The following HS6ST1 variants were observed in gnomAD, a reference collection of about 807,000 sequenced individuals.
HS6ST1 encodes heparan sulfate 6-O-sulfotransferase 1.
HS6ST1 carries 3 observed loss-of-function variants against 25.2 expected under a neutral mutation model. That is an observed-to-expected ratio of 0.12 (90% CI 0.05 to 0.31). The LOEUF (loss-of-function observed/expected upper bound fraction) is 0.31. Ranked by LOEUF, HS6ST1 falls within the 10% of genes least tolerant of loss-of-function variation. HS6ST1 has a pLI of 1.00. For missense variants in HS6ST1, 310 were observed against 609.6 expected (o/e 0.51, Z 5.18); for synonymous variants, 204 against 275.1 (o/e 0.74, Z 2.56).
Position 128,268,188 on chromosome 2 carries a change from T to G in HS6ST1, c.1210A>C (p.Met404Leu). The G allele has an allele frequency of 1.2e-6, 2 of 1,610,150 alleles. No homozygotes were observed. Among genetic ancestry groups the G allele is most frequent in the African/African-American group, 1.3e-5 (1 of 74,960 alleles). Residue 404 changes from methionine (M) to leucine (L), a missense_variant, in exon 2 of 2, where the codon ATG becomes CTG. Coordinates refer to ENST00000259241, the MANE Select transcript of HS6ST1 (RefSeq NM_004807.3). ...TACCACTTCTCAATGATGTGGCTCATGTAGTCCTCGGTGGGCACGCGGCCC... is the reference window on the plus strand; with the variant it reads ...TACCACTTCTCAATGATGTGGCTCAGGTAGTCCTCGGTGGGCACGCGGCCC... ...EPGRVPTEDYMSHIIEKW is the reference protein window; with the variant it reads ...EPGRVPTEDYLSHIIEKW
At chr2:128,298,633 T>C (rs1458453420) in intron 1 of HS6ST1, among the ~76,000 whole-genome samples, 1 of 152,176 alleles carries the variant, frequency 6.6e-6, no homozygotes, top group East Asian at 1.9e-4. Flanking sequence ...GGAAGTAGGA[T>C]GGACGGCGTG....
intron 1 of HS6ST1, among the ~76,000 whole-genome samples, chr2:128,276,565 C>T (rs376946574): frequency 5.1e-4 from 77 of 152,300 alleles, no homozygotes; most frequent in African/African-American, 1.7e-3. Flanking sequence ...CTCGTGCCTC[C>T]GGTGAGCAGC....
intron 1 of HS6ST1, among the ~76,000 whole-genome samples, chr2:128,283,633 C>T (rs1361553513): frequency 1.3e-5 from 2 of 152,188 alleles, no homozygotes; most frequent in African/African-American, 2.4e-5. Flanking sequence ...TCCTGGTCCT[C>T]GTGAGCATGT....
chr2:128,287,461 G>A (rs1693882041), intron 1 of HS6ST1, among the ~76,000 whole-genome samples: 1 of 152,338 alleles, frequency 6.6e-6, no homozygotes, highest in South Asian at 2.1e-4. Flanking sequence ...GAACTGGGCA[G>A]AGAGCCGGGA....
chr2:128,294,798 G>A (rs1276081573), intron 1 of HS6ST1, among the ~76,000 whole-genome samples: 1 of 151,994 alleles, frequency 6.6e-6, no homozygotes, highest in African/African-American at 2.4e-5. Flanking sequence ...ACAAGGTACA[G>A]GGGTGTCAGC....
At chr2:128,312,469 G>T (rs887606579) in intron 1 of HS6ST1, among the ~76,000 whole-genome samples, 1 of 152,350 alleles carries the variant, frequency 6.6e-6, no homozygotes, top group African/African-American at 2.4e-5. Flanking sequence ...TGCCCCCATG[G>T]CTTGTCACGC....
In HS6ST1 at chr2:128,318,070, T is replaced by A; in HGVS notation, c.494A>T (p.Asp165Val). Residue 165 changes from aspartate (D) to valine (V), a missense_variant, in exon 1 of 2, where the codon GAC becomes GTC. By Grantham distance (152) the Asp-to-Val change is radical (BLOSUM62 -3). Transcript: ENST00000259241. The surrounding 1 kb of genome is among the most constrained non-coding windows in gnomAD (Gnocchi z 5.7). ...ELTNCVPGVL[D>V]RRDSAALRTP... Reference sequence around the variant, plus strand: ...GCGCAGCGCGGCGGAGTCGCGGCGGTCCAGCACGCCGGGCACGCAGTTGGT... The same window carrying A: ...GCGCAGCGCGGCGGAGTCGCGGCGGACCAGCACGCCGGGCACGCAGTTGGT... 6.5e-7 allele frequency: 1 copy of A among 1,528,192 alleles called. No individual in the cohort carries two copies. 94.7% of individuals were successfully genotyped at this position (1,528,192 alleles called of 1,614,324 possible).
rs1693911085 is a variant in HS6ST1 at position 128,289,147 on chromosome 2, G to A, written c.528-20277C>T. ...CAGAGATAAGCCATTCTGTGCCCAA[G>A]CTAACTGCAGTATCCAACTCTATAC... On this transcript the variant is annotated intron_variant, in intron 1 of 1. Transcript: ENST00000259241. Among the ~76,000 whole-genome samples the A allele has an allele frequency of 2.6e-5, 4 of 152,100 alleles. No individual in the cohort carries two copies. The South Asian group carries it at 8.3e-4, about 32-fold the overall frequency.
intron 1 of HS6ST1, among the ~76,000 whole-genome samples, chr2:128,301,132 C>T (rs114767224): frequency 0.021 from 3,235 of 152,150 alleles, 122 homozygotes; most frequent in African/African-American, 0.075. Flanking sequence ...CTGGGGGCTG[C>T]GTAGCTCTAG....
intron 1 of HS6ST1, among the ~76,000 whole-genome samples, chr2:128,305,825 C>T (rs971962702): frequency 6.6e-6 from 1 of 152,226 alleles, no homozygotes; most frequent in Non-Finnish European, 1.5e-5. Context: ...AGCAGTCCCT[C>T]AGGACCTGCC....
At position 128,318,428 on chromosome 2, in the gene HS6ST1, C is replaced by G. The variant is rs1225479591; in HGVS notation, c.136G>C (p.Gly46Arg). The part of the protein sequence containing the change: ...AGPGLSLGAP[G>R]GRAPPDDLDL... ...AGGTCGTCGGGCGGCGCGCGGCCGC[C>G]GGGCGCGCCCAGGCTCAGTCCTGGG... The change falls in exon 1 of 2, where the codon GGC becomes CGC. Residue 46 changes from glycine (G) to arginine (R), a missense_variant. By Grantham distance (125) the Gly-to-Arg change is moderately radical. Coordinates refer to ENST00000259241, the MANE Select transcript of HS6ST1 (RefSeq NM_004807.3). The surrounding 1 kb of genome is among the most constrained non-coding windows in gnomAD (Gnocchi z 5.7). 7.5e-6 allele frequency: 12 copies of G among 1,595,000 alleles called. No homozygotes were observed. The highest frequency in any genetic ancestry group is 1.8e-5 in the Admixed American group (1 of 56,744).
intron 1 of HS6ST1, among the ~76,000 whole-genome samples, chr2:128,301,526 A>G (rs1694126532): frequency 6.6e-6 from 1 of 152,210 alleles, no homozygotes; most frequent in African/African-American, 2.4e-5. Context: ...ACCAGTGGGA[A>G]GGAATTTCAA....
intron 1 of HS6ST1, among the ~76,000 whole-genome samples, chr2:128,281,258 T>TG (rs1312109439): frequency 6.6e-6 from 1 of 152,008 alleles, no homozygotes; most frequent in East Asian, 1.9e-4. Flanking sequence ...AAGTGTGGCA[T>TG]GGGGGGTGGG....
At chr2:128,294,671 CGTGTGTGTGTGTGTGTGTGT>C (rs56059401) in intron 1 of HS6ST1, among the ~76,000 whole-genome samples, 13 of 136,146 alleles carry the variant, frequency 9.5e-5, no homozygotes, top group East Asian at 4.6e-4. Flanking sequence ...AGAAGGGAGG[CGTGTGTGTGTGTGTGTGTGT>C]GTGTGTGTGT....
chr2:128,299,406 G>C (rs1411004532), intron 1 of HS6ST1, among the ~76,000 whole-genome samples: 1 of 152,252 alleles, frequency 6.6e-6, no homozygotes, highest in African/African-American at 2.4e-5. Context: ...TGCAAATTAT[G>C]CTGCTGAGGC....
At chr2:128,275,192 T>C (rs1693674994) in intron 1 of HS6ST1, among the ~76,000 whole-genome samples, 1 of 152,000 alleles carries the variant, frequency 6.6e-6, no homozygotes, top group African/African-American at 2.4e-5. Context: ...GAAAATGAAG[T>C]ACACTACTTG....
At chr2:128,284,805 G>C (rs566108024) in intron 1 of HS6ST1, among the ~76,000 whole-genome samples, 2 of 152,150 alleles carry the variant, frequency 1.3e-5, no homozygotes, top group Non-Finnish European at 2.9e-5. Flanking sequence ...CCCTCTTAAC[G>C]GGGCTGACTG....
rs958946213 is a variant in HS6ST1, at chr2:128,318,775, C to G, written c.-212G>C. Among the ~76,000 whole-genome samples, 1 of 147,102 alleles carries G rather than the reference C, an allele frequency of 6.8e-6. No individual in the cohort carries two copies. Among genetic ancestry groups the G allele is most frequent in the African/African-American group, 2.4e-5 (1 of 40,932 alleles). On this transcript the variant is annotated 5_prime_UTR_variant, in exon 1 of 2. Transcript: ENST00000259241. This position sits in a 1 kb window ranked among gnomAD's most constrained non-coding sequence, Gnocchi z 5.7. The stretch of plus-strand genomic sequence containing the variant: ...CCCGGGCCCGACGCCCGACTCCGCT[C>G]CCGCTCGGCCCCGCTCCCGGCCCCG...
chr2:128,307,543 C>T (rs751070444), intron 1 of HS6ST1, among the ~76,000 whole-genome samples: 1 of 152,192 alleles, frequency 6.6e-6, no homozygotes, highest in Non-Finnish European at 1.5e-5. Flanking sequence ...TGGAACCTGG[C>T]ACCAGGACAC....
Sources: allele counts gnomAD v4.1 joint callset (sites outside exome capture counted in the v4.1 genomes callset), GRCh38; gene constraint gnomAD v4.1.1; non-coding constraint Gnocchi (gnomAD v3.1); transcripts MANE v1.5; gene names NCBI Gene and HGNC (gene_info 2026-07-23, HGNC 2026-07-21).